CACNA2D3: variants seen among roughly 807,000 people sequenced by gnomAD.
CACNA2D3 encodes calcium voltage-gated channel auxiliary subunit alpha2delta 3.
In CACNA2D3, 60 loss-of-function variants were observed where a neutral mutation model predicts 160.6. The observed-to-expected ratio is 0.37, with a 90% CI of 0.30 to 0.46. CACNA2D3 has a LOEUF of 0.46. CACNA2D3 is among the 20% of genes least tolerant of loss of function. The pLI is 1.00. For synonymous variants in CACNA2D3, 558 were observed against 492.9 expected, an observed-to-expected ratio of 1.13 and a Z score of -1.75; for missense variants, 1,205 against 1,365.0, an observed-to-expected ratio of 0.88 and a Z score of 1.85.
At position 54,804,372 on chromosome 3, in the gene CACNA2D3, A is replaced by C. The variant is rs541376217; in HGVS notation, c.1381-12481A>C. On this transcript the variant is annotated intron_variant, in intron 13 of 37. Coordinates refer to ENST00000474759, the MANE Select transcript of CACNA2D3 (RefSeq NM_018398.3). ...AAGGATGGAGGAAGATCTACCAAGC[A>C]AATGGAAAACAAAAAAAGTCAGGGG... 9.0e-3 allele frequency among the ~76,000 whole-genome samples: 1,369 copies of C among 152,194 alleles called. 19 individuals carry two copies. Among genetic ancestry groups the C allele is most frequent in the African/African-American group, 0.03 (1,249 of 41,450 alleles).
intron 35 of CACNA2D3, among the ~76,000 whole-genome samples, chr3:55,069,387 C>G (rs1353278606): frequency 6.6e-6 from 1 of 152,092 alleles, no homozygotes; most frequent in Non-Finnish European, 1.5e-5. Context: ...ATTGTACTTC[C>G]CTCCAATTTT....
intron 27 of CACNA2D3, among the ~76,000 whole-genome samples, chr3:54,911,313 C>G (rs903493512): frequency 2.0e-5 from 3 of 147,584 alleles, no homozygotes; most frequent in African/African-American, 7.5e-5. Flanking sequence ...TCCCCTTCCC[C>G]CTCCCCGCTT....
chr3:54,157,846 A>C (rs1159744327), intron 2 of CACNA2D3, among the ~76,000 whole-genome samples: 3 of 152,058 alleles, frequency 2.0e-5, no homozygotes, highest in Admixed American at 1.3e-4. Flanking sequence ...AAAAAAAAAA[A>C]AAAAAAAAAG....
chr3:54,541,952 C>T (rs559716168), intron 5 of CACNA2D3, among the ~76,000 whole-genome samples: 1,716 of 145,890 alleles, frequency 0.012, 29 homozygotes, highest in African/African-American at 0.041. Flanking sequence ...TTTTTTTTTT[C>T]GTACAATTTT....
chr3:54,936,986 C>G (rs7642981), intron 27 of CACNA2D3, among the ~76,000 whole-genome samples: 68,889 of 151,926 alleles, frequency 0.45, 16,425 homozygotes, highest in East Asian at 0.75. Context: ...ATGAAGGCAT[C>G]TGGAAAGGCA....
At chr3:54,193,737 C>T (rs932423777) in intron 2 of CACNA2D3, among the ~76,000 whole-genome samples, 2 of 152,168 alleles carry the variant, frequency 1.3e-5, no homozygotes, top group Non-Finnish European at 2.9e-5. Flanking sequence ...GAAGAATATT[C>T]TCCTTCGAGG....
At chr3:54,501,121 C>T (rs1206967668) in intron 4 of CACNA2D3, among the ~76,000 whole-genome samples, 3 of 152,130 alleles carry the variant, frequency 2.0e-5, no homozygotes, top group Non-Finnish European at 4.4e-5. Flanking sequence ...CATCTAATCC[C>T]ATTCATGAGG....
chr3:54,691,913 A>C (rs1293615523), intron 11 of CACNA2D3, among the ~76,000 whole-genome samples: 2 of 152,170 alleles, frequency 1.3e-5, no homozygotes, highest in East Asian at 3.9e-4. Flanking sequence ...ATAGCCCTCA[A>C]GTTGTCACAA....
intron 27 of CACNA2D3, among the ~76,000 whole-genome samples, chr3:54,943,449 A>G (rs1701528658): frequency 6.6e-6 from 1 of 152,160 alleles, no homozygotes; most frequent in Non-Finnish European, 1.5e-5. Flanking sequence ...CCCTCTTCCT[A>G]TTCCACCAAC....
At chr3:54,629,768 A>G (rs192742125) in intron 10 of CACNA2D3, among the ~76,000 whole-genome samples, 130 of 152,310 alleles carry the variant, frequency 8.5e-4, no homozygotes, top group Non-Finnish European at 8.8e-4. Context: ...GACCTGTTAC[A>G]GTTTGAAAAT....
intron 35 of CACNA2D3, among the ~76,000 whole-genome samples, chr3:55,053,256 A>G (rs1704273217): frequency 6.6e-6 from 1 of 152,030 alleles, no homozygotes; most frequent in African/African-American, 2.4e-5. Context: ...ATCATACAGT[A>G]TGTATTCTTT....
At chr3:54,134,874 C>A (rs1387503923) in intron 2 of CACNA2D3, among the ~76,000 whole-genome samples, 1 of 152,228 alleles carries the variant, frequency 6.6e-6, no homozygotes, top group Non-Finnish European at 1.5e-5. Context: ...CTCTGCAGTA[C>A]CAAGCTGAGC....
chr3:54,943,203 TAAAAA>T (rs34708598), intron 27 of CACNA2D3, among the ~76,000 whole-genome samples: 3 of 142,118 alleles, frequency 2.1e-5, no homozygotes, highest in Non-Finnish European at 4.6e-5. Context: ...CTATCTCTGG[TAAAAA>T]AAAAAAAAAT....
chr3:54,312,566 A>G (rs73081608), intron 2 of CACNA2D3, among the ~76,000 whole-genome samples: 12,692 of 152,242 alleles, frequency 0.083, 759 homozygotes, highest in South Asian at 0.13. Context: ...CGTATGAACA[A>G]CATTAAGTGT....
intron 5 of CACNA2D3, among the ~76,000 whole-genome samples, chr3:54,561,553 T>G (rs1448555526): frequency 2.0e-5 from 3 of 152,206 alleles, no homozygotes; most frequent in Non-Finnish European, 4.4e-5. Flanking sequence ...TTCTTCCTAT[T>G]TGAATGCCCT....
At chr3:54,662,828 G>GTT (rs1368190019) in intron 11 of CACNA2D3, among the ~76,000 whole-genome samples, 2 of 152,212 alleles carry the variant, frequency 1.3e-5, no homozygotes, top group Non-Finnish European at 1.5e-5. Flanking sequence ...GTAACCAGGA[G>GTT]TTAGAGTCTT....
At chr3:54,903,750 C>G (rs1462276019) in intron 27 of CACNA2D3, among the ~76,000 whole-genome samples, 1 of 152,190 alleles carries the variant, frequency 6.6e-6, no homozygotes, top group East Asian at 1.9e-4. Flanking sequence ...AATAGCCATT[C>G]TGACTGGTGT....
intron 2 of CACNA2D3, among the ~76,000 whole-genome samples, chr3:54,185,599 G>GA (rs1700867483): frequency 6.6e-6 from 1 of 152,060 alleles, no homozygotes; most frequent in Non-Finnish European, 1.5e-5. Context: ...GTAGACCAAA[G>GA]GATCAACACA....
At chr3:54,370,174 C>A (rs975199245) in intron 3 of CACNA2D3, among the ~76,000 whole-genome samples, 2 of 152,100 alleles carry the variant, frequency 1.3e-5, no homozygotes, top group Admixed American at 6.5e-5. Context: ...TTTATTTACC[C>A]TAGAAGTGAG....
Sources: allele counts gnomAD v4.1 joint callset (sites outside exome capture counted in the v4.1 genomes callset), GRCh38; gene constraint gnomAD v4.1.1; transcripts MANE v1.5; gene names NCBI Gene and HGNC (gene_info 2026-07-23, HGNC 2026-07-21).